NBPF20: variants seen among roughly 807,000 people sequenced by gnomAD.
NBPF20 encodes NBPF member 20, also known as NBPF family member NBPF20.
In NBPF20, 90 loss-of-function variants were observed where a neutral mutation model predicts 68.1. That is an observed-to-expected ratio of 1.32 (90% CI 1.11 to 1.58). The LOEUF is 1.58. Among genes scored for constraint, NBPF20 ranks in the 40% most tolerant of loss-of-function variants. The pLI, the probability that NBPF20 is intolerant of heterozygous loss-of-function variation, is 0.00. For missense variants in NBPF20, 816 were observed against 601.2 expected (o/e 1.36, Z -3.74); for synonymous variants, 290 against 228.1 (o/e 1.27, Z -2.45).
At chr1:145,424,257 TG>T in the NBPF20 span, among the ~76,000 whole-genome samples, 1 of 150,452 alleles carries the variant, frequency 6.6e-6, no homozygotes, top group Admixed American at 6.6e-5. Context: ...ATTACAGGTG[TG>T]ATCTACCGCG....
the NBPF20 span, among the ~76,000 whole-genome samples, chr1:145,425,546 C>T: frequency 2.0e-5 from 3 of 152,240 alleles, no homozygotes; most frequent in African/African-American, 7.2e-5. Flanking sequence ...CTGTCTCAAC[C>T]GCCGCCCAGC....
exon 138 of NBPF20, chr1:145,290,179 C>A (rs1442402082): frequency 6.8e-6 from 1 of 147,556 alleles, no homozygotes; most frequent in Non-Finnish European, 1.5e-5. Context: ...ATAATAGACA[C>A]AGGCAGGGAG....
exon 138 of NBPF20, chr1:145,291,391 G>A (rs1458656135): frequency 1.9e-6 from 3 of 1,578,814 alleles, no homozygotes; most frequent in African/African-American, 2.7e-5. Context: ...CATGGTTTGA[G>A]AATAGGAATA....
chr1:145,396,758 A>G (rs1247549733), intron 7 of NBPF20, among the ~76,000 whole-genome samples: 1 of 133,884 alleles, frequency 7.5e-6, no homozygotes. Flanking sequence ...GTGTATGTAT[A>G]TATATATATA....
At chr1:145,410,737 TGTATATATATATACATATATATATATAC>T in the NBPF20 span, among the ~76,000 whole-genome samples, 2 of 144,606 alleles carry the variant, frequency 1.4e-5, no homozygotes, top group Admixed American at 7.0e-5. Flanking sequence ...TGCCTGTCTG[TGTATATATATATACATATATATATATAC>T]GTATATATAT....
chr1:145,290,334 G>A (rs1660985432), exon 138 of NBPF20: 1 of 149,326 alleles, frequency 6.7e-6, no homozygotes, highest in Non-Finnish European at 1.5e-5. Flanking sequence ...CCTTAACCAA[G>A]TAACCAGTCC....
chr1:145,405,488 C>G lies in NBPF20; in HGVS notation c.-114G>C. 2.0e-6 allele frequency: 3 copies of G among 1,524,198 alleles called. No individual in the cohort carries two copies. The African/African-American group carries it at 4.4e-5, about 22-fold the overall frequency. 94.4% of individuals were successfully genotyped at this position (1,524,198 alleles called of 1,614,324 possible). ...AAACAAGGTTCAAGGTGCCTCAACTCAGAGCTGAAAGCACTGCCAGTAGCT... is the reference window on the plus strand; with the variant it reads ...AAACAAGGTTCAAGGTGCCTCAACTGAGAGCTGAAAGCACTGCCAGTAGCT... On this transcript the variant is annotated 5_prime_UTR_variant, in exon 1 of 138. An upstream open reading frame in the 5' UTR loses its in-frame stop. Coordinates refer to ENST00000369373, the Ensembl canonical transcript of NBPF20.
intron 83 of NBPF20, among the ~76,000 whole-genome samples, chr1:145,334,904 G>A (rs1457560404): frequency 7.5e-6 from 1 of 134,118 alleles, no homozygotes; most frequent in Admixed American, 7.5e-5. Context: ...CACTGATGAA[G>A]GGGTCAAAGG....
intron 7 of NBPF20, among the ~76,000 whole-genome samples, chr1:145,398,286 C>G (rs1324183868): frequency 6.6e-6 from 1 of 151,738 alleles, no homozygotes; most frequent in South Asian, 2.1e-4. Flanking sequence ...ACATTCTTCT[C>G]AGCACCACAT....
intron 6 of NBPF20, among the ~76,000 whole-genome samples, chr1:145,399,804 C>A (rs1662428281): frequency 1.6e-5 from 2 of 123,876 alleles, no homozygotes; most frequent in Middle Eastern, 4.6e-3. Flanking sequence ...AAAAAATCCA[C>A]GATGCTACAA....
At chr1:145,291,533 G>A in exon 138 of NBPF20, 4 of 1,611,994 alleles carry the variant, frequency 2.5e-6, no homozygotes, top group Non-Finnish European at 3.4e-6. Context: ...TGTTTATTGT[G>A]GGAATATGAC....
Position 145,400,587 on chromosome 1 carries a change from G to C in NBPF20, c.574C>G (p.Gln192Glu), listed in dbSNP as rs1553665074. Reference sequence around the variant, plus strand: ...GGGACTTCCTTTTCTTCAGCCTTCTGCATCTCCCTGATGAGCCAGGTGGGA... The same window carrying C: ...GGGACTTCCTTTTCTTCAGCCTTCTCCATCTCCCTGATGAGCCAGGTGGGA... Residue 192 changes from glutamine to glutamate, a missense_variant, in exon 6 of 138, where the codon CAG becomes GAG. Gln to Glu is a conservative substitution (Grantham distance 29, BLOSUM62 2). Coordinates refer to ENST00000369373, the Ensembl canonical transcript of NBPF20. The C allele has an allele frequency of 5.6e-6, 9 of 1,611,812 alleles. No homozygotes were observed. In the Admixed American group the frequency reaches 1.3e-4, roughly 24 times the overall value.
chr1:145,406,085 A>T (rs1571379769), upstream of NBPF20, among the ~76,000 whole-genome samples: 2 of 117,648 alleles, frequency 1.7e-5, no homozygotes, highest in Non-Finnish European at 3.5e-5. Context: ...CGCCCGGCTA[A>T]TTTTTTTTTT....
chr1:145,419,722 C>T, the NBPF20 span, among the ~76,000 whole-genome samples: 1 of 152,230 alleles, frequency 6.6e-6, no homozygotes, highest in East Asian at 1.9e-4. Context: ...TCTTTCTCCC[C>T]CTCTCAATGC....
the NBPF20 span, among the ~76,000 whole-genome samples, chr1:145,424,687 T>C: frequency 1.3e-5 from 2 of 152,108 alleles, no homozygotes; most frequent in African/African-American, 4.8e-5. Context: ...GGACGCCAAA[T>C]GAGAAGATCT....
At chr1:145,311,860 G>T (rs1194388357) in intron 112 of NBPF20, among the ~76,000 whole-genome samples, 6 of 111,430 alleles carry the variant, frequency 5.4e-5, no homozygotes, top group Non-Finnish European at 9.1e-5. Flanking sequence ...CGGTAGCGAG[G>T]ATTTTAGATG....
At chr1:145,425,038 T>TC in the NBPF20 span, among the ~76,000 whole-genome samples, 86 of 151,886 alleles carry the variant, frequency 5.7e-4, no homozygotes, top group Non-Finnish European at 1.1e-3. Flanking sequence ...GGGGTCAGGG[T>TC]CCTCCACAGG....
chr1:145,419,097 AAGGGAGGG>A, the NBPF20 span, among the ~76,000 whole-genome samples: 4 of 126,236 alleles, frequency 3.2e-5, no homozygotes, highest in East Asian at 2.5e-4. Context: ...GGAAGGAAGG[AAGGGAGGG>A]AGGGAGGGAG....
chr1:145,352,324 C>G (rs1219483408), intron 61 of NBPF20, among the ~76,000 whole-genome samples: 111 of 90,888 alleles, frequency 1.2e-3, no homozygotes, highest in Non-Finnish European at 2.2e-3. Flanking sequence ...CACACACACA[C>G]ACACAGACAC....
Sources: gnomAD v4.1 joint callset for allele counts (sites outside exome capture counted in the v4.1 genomes callset) on GRCh38, gnomAD v4.1.1 for gene constraint, MANE v1.5 for transcripts, NCBI Gene and HGNC (gene_info 2026-07-23, HGNC 2026-07-21) for gene names.